The following NRG1 variants were observed in gnomAD, a reference collection of about 807,000 sequenced individuals.
The protein encoded by NRG1 is neuregulin 1.
NRG1 carries 18 observed loss-of-function variants against 63.8 expected under a neutral mutation model. That is an observed-to-expected ratio of 0.28 (90% CI 0.19 to 0.42). NRG1 has a LOEUF of 0.42. Ranked by LOEUF, NRG1 falls within the 10% of genes least tolerant of loss-of-function variation. The pLI is 1.00. For synonymous variants in NRG1, 302 were observed against 301.3 expected, an observed-to-expected ratio of 1.00 and a Z score of -0.02; for missense variants, 762 against 814.7, an observed-to-expected ratio of 0.94 and a Z score of 0.79.
intron 1 of NRG1, among the ~76,000 whole-genome samples, chr8:31,872,710 A>G (rs1490915415): frequency 1.3e-5 from 2 of 152,222 alleles, no homozygotes; most frequent in Non-Finnish European, 2.9e-5. Flanking sequence ...ATGTAAGAGT[A>G]AAGCATGGAA....
intron 1 of NRG1, among the ~76,000 whole-genome samples, chr8:31,653,652 G>A (rs1365927363): frequency 2.0e-5 from 3 of 152,184 alleles, no homozygotes; most frequent in African/African-American, 4.8e-5. Flanking sequence ...GATGATGAAA[G>A]GCATCTATGT....
chr8:32,198,048 A>G (rs1471787552), intron 1 of NRG1, among the ~76,000 whole-genome samples: 1 of 152,220 alleles, frequency 6.6e-6, no homozygotes, highest in Non-Finnish European at 1.5e-5. Flanking sequence ...CAAATATTGC[A>G]TGAGGATTTG....
At chr8:31,797,032 T>C (rs938215793) in intron 1 of NRG1, among the ~76,000 whole-genome samples, 2 of 152,134 alleles carry the variant, frequency 1.3e-5, no homozygotes, top group African/African-American at 4.8e-5. Flanking sequence ...ATAGACTGAA[T>C]CTGAGCAGAA....
At chr8:32,488,195 CAG>C (rs1303936343) in intron 1 of NRG1, among the ~76,000 whole-genome samples, 6 of 152,136 alleles carry the variant, frequency 3.9e-5, no homozygotes, top group African/African-American at 1.2e-4. Context: ...TTATGAAGAA[CAG>C]AGTTTCCAAT....
intron 5 of NRG1, among the ~76,000 whole-genome samples, chr8:32,715,870 C>T (rs1023354970): frequency 1.3e-5 from 2 of 152,076 alleles, no homozygotes; most frequent in Admixed American, 6.5e-5. Context: ...TCTTGAACTC[C>T]GAACCTTGTG....
At chr8:32,463,368 T>A (rs1822577813) in intron 1 of NRG1, among the ~76,000 whole-genome samples, 1 of 152,152 alleles carries the variant, frequency 6.6e-6, no homozygotes, top group Non-Finnish European at 1.5e-5. Flanking sequence ...GAAGGGAAAC[T>A]TTTATACTGT....
intron 1 of NRG1, among the ~76,000 whole-genome samples, chr8:32,039,950 A>G (rs1283627841): frequency 6.6e-6 from 1 of 152,138 alleles, no homozygotes; most frequent in African/African-American, 2.4e-5. Flanking sequence ...TGAACCGAAG[A>G]GTTTGAGCCT....
intron 1 of NRG1, among the ~76,000 whole-genome samples, chr8:31,936,727 G>A (rs1010580340): frequency 6.6e-6 from 1 of 152,132 alleles, no homozygotes; most frequent in Non-Finnish European, 1.5e-5. Context: ...TATTTTCGTG[G>A]TGTTCATCAC....
At position 32,143,244 on chromosome 8, in the gene NRG1, G is replaced by T. The variant is rs372881780; in HGVS notation, c.38-452584G>T. Among the ~76,000 whole-genome samples the T allele has an allele frequency of 7.3e-3, 1,030 of 141,458 alleles. 8 individuals are homozygous for T. Among genetic ancestry groups the T allele is most frequent in the African/African-American group, 0.023 (882 of 38,712 alleles). 92.8% of individuals were successfully genotyped at this position (141,458 alleles called of 152,430 possible). ...TACAAGGTGTTAAGGCTTTTTTTTT[G>T]GGGGGGGAAGAAATAATTCACATGT... is the stretch of plus-strand genomic sequence containing the variant. On this transcript the variant is annotated intron_variant, in intron 1 of 10. Transcript: ENST00000519301.
At chr8:32,263,062 C>G (rs1390556125) in intron 1 of NRG1, among the ~76,000 whole-genome samples, 1 of 152,174 alleles carries the variant, frequency 6.6e-6, no homozygotes, top group Non-Finnish European at 1.5e-5. Context: ...GGGCAGAAAT[C>G]TTTATCTGAT....
chr8:32,552,466 C>G (rs538880290), intron 1 of NRG1, among the ~76,000 whole-genome samples: 2 of 152,194 alleles, frequency 1.3e-5, no homozygotes, highest in South Asian at 4.1e-4. Flanking sequence ...AACCTAGTAT[C>G]CCAAATAGGT....
chr8:31,950,610 C>T (rs1803320875), intron 1 of NRG1, among the ~76,000 whole-genome samples: 1 of 152,234 alleles, frequency 6.6e-6, no homozygotes, highest in Non-Finnish European at 1.5e-5. Flanking sequence ...GTCGGCTTCT[C>T]TAATATTCTG....
intron 5 of NRG1, among the ~76,000 whole-genome samples, chr8:32,682,484 T>TACC (rs1808939963): frequency 6.6e-6 from 1 of 152,152 alleles, no homozygotes; most frequent in African/African-American, 2.4e-5. Flanking sequence ...ATCCCTGTAA[T>TACC]ACCACTAGTT....
At chr8:31,670,272 C>A (rs1806987882) in intron 1 of NRG1, among the ~76,000 whole-genome samples, 1 of 152,140 alleles carries the variant, frequency 6.6e-6, no homozygotes, top group Non-Finnish European at 1.5e-5. Flanking sequence ...GTCACCACTG[C>A]TGTGTTCTAG....
chr8:32,713,227 C>T (rs1051820479), intron 5 of NRG1, among the ~76,000 whole-genome samples: 3 of 152,152 alleles, frequency 2.0e-5, no homozygotes, highest in Non-Finnish European at 4.4e-5. Flanking sequence ...GAAACTCCAG[C>T]TTCCCATCAG....
chr8:32,463,442 A>G (rs1587796607), intron 1 of NRG1, among the ~76,000 whole-genome samples: 3 of 152,190 alleles, frequency 2.0e-5, no homozygotes, highest in African/African-American at 4.8e-5. Context: ...CCTTTATTCT[A>G]CACTCTCACC....
At chr8:32,459,427 G>A (rs139634986) in intron 1 of NRG1, among the ~76,000 whole-genome samples, 1 of 148,326 alleles carries the variant, frequency 6.7e-6, no homozygotes, top group African/African-American at 2.5e-5. Context: ...TTTATTTTAC[G>A]TTTGCCTTTT....
chr8:32,357,534 T>A lies in NRG1; in HGVS notation c.38-238294T>A, dbSNP rs1487843026. Among the ~76,000 whole-genome samples, 3 of 152,288 alleles carry A rather than the reference T, an allele frequency of 2.0e-5. No individual in the cohort carries two copies. In the East Asian group the frequency reaches 5.8e-4, roughly 29 times the overall value. ...TTTATTGAGCTCACCCAACAAAAGTTTTTTTCATCATGTCCTGCTTTTACA... is the reference window on the plus strand; with the variant it reads ...TTTATTGAGCTCACCCAACAAAAGTATTTTTCATCATGTCCTGCTTTTACA... On this transcript the variant is annotated intron_variant, in intron 1 of 10. Coordinates refer to the NRG1 transcript ENST00000519301.
intron 5 of NRG1, among the ~76,000 whole-genome samples, chr8:32,688,960 G>T (rs960443914): frequency 6.6e-6 from 1 of 152,060 alleles, no homozygotes; most frequent in Non-Finnish European, 1.5e-5. Flanking sequence ...TCCTAGGGTC[G>T]TCACACCATA....
Sources: allele counts gnomAD v4.1 joint callset (sites outside exome capture counted in the v4.1 genomes callset), GRCh38; gene constraint gnomAD v4.1.1; transcripts MANE v1.5; gene names NCBI Gene and HGNC (gene_info 2026-07-23, HGNC 2026-07-21).